The following TRABD2B variants were observed in gnomAD, a reference collection of about 807,000 sequenced individuals.
TRABD2B encodes the protein metalloprotease TIKI2.
TRABD2B carries 14 observed loss-of-function variants against 40.1 expected under a neutral mutation model. The observed-to-expected ratio is 0.35, with a 90% CI of 0.23 to 0.55. The LOEUF is 0.55. Among genes scored for constraint, TRABD2B ranks in the 20% least tolerant of loss-of-function variants. The pLI, the probability that TRABD2B is intolerant of heterozygous loss-of-function variation, is 0.90. For synonymous variants in TRABD2B, 263 were observed against 277.0 expected (o/e 0.95, Z 0.50); for missense variants, 541 against 648.6 (o/e 0.83, Z 1.80).
chr1:47,980,714 TCA>T (rs1645829238), intron 2 of TRABD2B, among the ~76,000 whole-genome samples: 1 of 152,200 alleles, frequency 6.6e-6, no homozygotes, highest in African/African-American at 2.4e-5. Context: ...GTTGGGCCCC[TCA>T]GCCTGCCCTG....
intron 3 of TRABD2B, among the ~76,000 whole-genome samples, chr1:47,795,115 G>A (rs772561954): frequency 6.6e-5 from 10 of 152,208 alleles, no homozygotes; most frequent in Non-Finnish European, 1.3e-4. Context: ...GGATAAGTAT[G>A]CACAGCCCCA....
intron 2 of TRABD2B, among the ~76,000 whole-genome samples, chr1:47,969,717 C>T (rs1272145568): frequency 1.3e-5 from 2 of 152,152 alleles, no homozygotes; most frequent in African/African-American, 4.8e-5. Flanking sequence ...AGTAATTTGG[C>T]CTAAAAAGAA....
intron 2 of TRABD2B, among the ~76,000 whole-genome samples, chr1:47,866,801 G>C (rs531257122): frequency 6.6e-6 from 1 of 152,154 alleles, no homozygotes; most frequent in South Asian, 2.1e-4. Context: ...GTCCAAGCCT[G>C]TTATTCCCTG....
chr1:47,949,917 TG>T (rs1645316689), intron 2 of TRABD2B, among the ~76,000 whole-genome samples: 2 of 151,992 alleles, frequency 1.3e-5, no homozygotes, highest in Admixed American at 1.3e-4. Context: ...TACATTCCAG[TG>T]GGAGAGACAA....
chr1:47,957,637 A>C (rs1177291973), intron 2 of TRABD2B, among the ~76,000 whole-genome samples: 4 of 152,194 alleles, frequency 2.6e-5, no homozygotes, highest in Non-Finnish European at 5.9e-5. Flanking sequence ...AAATGAATTA[A>C]ATGAAGTGAG....
chr1:47,847,774 G>A (rs1444099029), intron 2 of TRABD2B, among the ~76,000 whole-genome samples: 1 of 152,204 alleles, frequency 6.6e-6, no homozygotes, highest in Admixed American at 6.5e-5. Context: ...AGAAATTATG[G>A]ATGGAAAAAT....
intron 2 of TRABD2B, among the ~76,000 whole-genome samples, chr1:47,837,984 C>A (rs760658270): frequency 3.9e-5 from 6 of 152,194 alleles, no homozygotes; most frequent in Non-Finnish European, 8.8e-5. Context: ...AATCTCAGGG[C>A]GAAGTCCAGC....
chr1:47,854,966 T>C (rs1034803369), intron 2 of TRABD2B, among the ~76,000 whole-genome samples: 1 of 152,178 alleles, frequency 6.6e-6, no homozygotes, highest in Non-Finnish European at 1.5e-5. Flanking sequence ...TCTGAGCCTA[T>C]TTCCTCATTT....
chr1:47,795,819 CCT>C, intron 3 of TRABD2B: 1 of 506,666 alleles, frequency 2.0e-6, no homozygotes, highest in Non-Finnish European at 2.6e-6. Flanking sequence ...TTTTTGAATA[CCT>C]CAACCCCAGG....
chr1:47,845,387 T>C (rs7555747), intron 2 of TRABD2B, among the ~76,000 whole-genome samples: 4,872 of 152,330 alleles, frequency 0.032, 273 homozygotes, highest in African/African-American at 0.11. Flanking sequence ...TCTTACTAAG[T>C]GTCTGGCACT....
Position 47,763,467 on chromosome 1 carries a change from G to A in TRABD2B, c.*2435C>T, listed in dbSNP as rs1644265743. 1 of 152,242 alleles carries A rather than the reference G, an allele frequency of 6.6e-6. No individual in the cohort carries two copies. The highest frequency in any genetic ancestry group is 1.5e-5 in the Non-Finnish European group (1 of 68,046). The allele number at this position is 152,242 out of a possible 1,614,324, so 9.4% of individuals were successfully genotyped here. ...CTAAGGCTGAATCTTCCTGAAGTTAGGGGCCAGGACGACGTAATCTAGCAT... is the reference window on the plus strand; with the variant it reads ...CTAAGGCTGAATCTTCCTGAAGTTAAGGGCCAGGACGACGTAATCTAGCAT... On this transcript the variant is annotated 3_prime_UTR_variant, in exon 7 of 7. Transcript: ENST00000606738.
chr1:47,886,278 C>T (rs1311895393), intron 2 of TRABD2B, among the ~76,000 whole-genome samples: 1 of 152,304 alleles, frequency 6.6e-6, no homozygotes, highest in Non-Finnish European at 1.5e-5. Context: ...TACTTGGTCT[C>T]GGCCACTATG....
In TRABD2B at chr1:47,885,605, C is replaced by G. The variant is rs372232960; in HGVS notation, c.667-83986G>C. On this transcript the variant is annotated intron_variant, in intron 2 of 6. Coordinates refer to ENST00000606738, the MANE Select transcript of TRABD2B (RefSeq NM_001194986.2). ...GAAGTTTCTTTATGTGCTCTCCCCCCAAATCTCTGGGTTGAAGCGGGAGGC... is the reference window on the plus strand; with the variant it reads ...GAAGTTTCTTTATGTGCTCTCCCCCGAAATCTCTGGGTTGAAGCGGGAGGC... Among the ~76,000 whole-genome samples the G allele has an allele frequency of 1.3e-4, 20 of 152,222 alleles. No homozygotes were observed. In the East Asian group the frequency reaches 2.5e-3, roughly 19 times the overall value.
chr1:47,771,370 T>C (rs534465028), intron 6 of TRABD2B, among the ~76,000 whole-genome samples: 3 of 152,190 alleles, frequency 2.0e-5, no homozygotes, highest in South Asian at 4.1e-4. Flanking sequence ...ATCTGTCTTG[T>C]CACCCACCTC....
chr1:47,904,133 T>C (rs1644643145), intron 2 of TRABD2B, among the ~76,000 whole-genome samples: 1 of 152,122 alleles, frequency 6.6e-6, no homozygotes, highest in Non-Finnish European at 1.5e-5. Flanking sequence ...ATTGTGAGAT[T>C]TGGAGAGTGG....
chr1:47,864,692 T>C (rs966613255), intron 2 of TRABD2B, among the ~76,000 whole-genome samples: 1 of 152,092 alleles, frequency 6.6e-6, no homozygotes, highest in Non-Finnish European at 1.5e-5. Context: ...TGGGAGCCTC[T>C]TCCAAATCCA....
At chr1:47,840,758 G>A (rs559580033) in intron 2 of TRABD2B, among the ~76,000 whole-genome samples, 1 of 152,302 alleles carries the variant, frequency 6.6e-6, no homozygotes, top group African/African-American at 2.4e-5. Flanking sequence ...TGGGGCCCAG[G>A]GAGAAGGAAT....
chr1:47,965,015 A>C (rs892023495), intron 2 of TRABD2B, among the ~76,000 whole-genome samples: 1 of 151,838 alleles, frequency 6.6e-6, no homozygotes, highest in Non-Finnish European at 1.5e-5. Context: ...TCTTCAAAGA[A>C]TAAGTCTTTT....
At chr1:47,917,040 C>T (rs918931315) in intron 2 of TRABD2B, among the ~76,000 whole-genome samples, 1 of 152,222 alleles carries the variant, frequency 6.6e-6, no homozygotes, top group African/African-American at 2.4e-5. Flanking sequence ...TGTTCAAGAC[C>T]ACGCACAGCT....
Sources: allele counts gnomAD v4.1 joint callset (sites outside exome capture counted in the v4.1 genomes callset), GRCh38; gene constraint gnomAD v4.1.1; transcripts MANE v1.5; gene names NCBI Gene and HGNC (gene_info 2026-07-23, HGNC 2026-07-21).